OBSL1: variants seen among roughly 807,000 people sequenced by gnomAD.
OBSL1 encodes the protein obscurin-like protein 1.
A neutral mutation model predicts 172.0 loss-of-function variants in OBSL1; 160 were observed. The ratio of observed to expected loss-of-function variants is 0.93; its 90% CI spans 0.82 to 1.06. The LOEUF (loss-of-function observed/expected upper bound fraction) is 1.06. Among genes scored for constraint, OBSL1 ranks in the 50% least tolerant of loss-of-function variants. The probability of loss-of-function intolerance (pLI) is 0.00; values close to 1 mark genes in which losing one functional copy is unlikely to be tolerated. For synonymous variants in OBSL1, 1,200 were observed against 1,196.3 expected, an observed-to-expected ratio of 1.00 and a Z score of -0.06; for missense variants, 2,681 against 2,715.4, an observed-to-expected ratio of 0.99 and a Z score of 0.28.
At chr2:219,549,446 A>T, downstream of OBSL1, 1 of 1,444,164 alleles carries the variant, frequency 6.9e-7, no homozygotes, top group Non-Finnish European at 9.3e-7. Context: ...GCTGGTTGCT[A>T]TCTAGAAGGC....
intron 17 of OBSL1, 68 bp from the exon 18 acceptor site, chr2:219,552,765 C>T: frequency 6.6e-7 from 1 of 1,514,452 alleles, no homozygotes; most frequent in Non-Finnish European, 8.9e-7. Context: ...CCCCTCCACG[C>T]CCCCTTTCTA....
At chr2:219,548,044 G>T, downstream of OBSL1, 1 of 1,581,316 alleles carries the variant, frequency 6.3e-7, no homozygotes, top group East Asian at 2.3e-5. Context: ...TTCTGGTGCA[G>T]TGGAGGGTGA....
rs778230773 is a variant in OBSL1 at position 219,570,401 on chromosome 2, C to A, written c.832G>T (p.Glu278Ter). ...YVMGKPEPEIEWHWEGRPLLP... is the reference protein window; with the variant it reads ...YVMGKPEPEI ...AGCGGGCGGCCCTCCCAGTGCCATT[C>A]GATCTCGGGCTCGGGCTTGCCCATC... Residue 278 changes from glutamate to a stop codon, truncating the protein, a stop_gained, in exon 1 of 21, where the codon GAA becomes TAA. Transcript: ENST00000404537. LOFTEE classifies it high-confidence loss of function. 6.2e-7 allele frequency: 1 copy of A among 1,613,288 alleles called. No homozygotes were observed. The highest frequency in any genetic ancestry group is 8.5e-7 in the Non-Finnish European group (1 of 1,179,628).
chr2:219,563,368 A>G lies in OBSL1; in HGVS notation c.2667T>C (p.Thr889=). ...CTGGCCCCCCACCTGTGATGGTGAC[A>G]GTGAAGTAGGCACACTCATCTCCAG... ...CVAGDECAYF[T]VTITDVSSWI... is the part of the protein sequence containing the mutation. Residue 889 remains threonine, a synonymous_variant, in exon 7 of 21, where the codon ACT becomes ACC. Coordinates refer to ENST00000404537, the MANE Select transcript of OBSL1 (RefSeq NM_015311.3). 3.8e-6 allele frequency: 6 copies of G among 1,576,864 alleles called. No homozygotes were observed. The highest frequency in any genetic ancestry group is 4.3e-6 in the Non-Finnish European group (5 of 1,157,390).
At position 219,551,732 on chromosome 2, in the gene OBSL1, AC is replaced by A; in HGVS notation, c.5479del (p.Val1827CysfsTer4). 1 of 1,603,122 alleles carries A rather than the reference AC, an allele frequency of 6.2e-7. No individual in the cohort carries two copies. The highest frequency in any genetic ancestry group is 2.2e-5 in the East Asian group (1 of 44,650). On this transcript the variant is annotated frameshift_variant, in exon 20 of 21. Coordinates refer to ENST00000404537, the MANE Select transcript of OBSL1 (RefSeq NM_015311.3). LOFTEE classifies it high-confidence loss of function. Reference protein sequence around the residue: ...EKTVLVGRRAVLEVTVSRSGG... With the variant: ...EKTVLVGRRAXLEVTVSRSGG... ...CGAGCGGGACACAGTCACCTCCAGC[AC>A]CGCCCGGCGGCCCACCAGAACGGTC...
intron 12 of OBSL1, 142 bp from the exon 13 acceptor site, chr2:219,556,865 G>T: frequency 1.1e-6 from 1 of 905,676 alleles, no homozygotes; most frequent in Non-Finnish European, 1.6e-6. Flanking sequence ...CCACACCGAT[G>T]GCCCAAAGGA....
intron 7 of OBSL1, 148 bp from the exon 8 acceptor site, chr2:219,562,822 T>C (rs914947591): frequency 2.1e-5 from 17 of 812,518 alleles, no homozygotes; most frequent in Non-Finnish European, 3.2e-5. Context: ...TGACAGTTAC[T>C]CACAGCTAGA....
chr2:219,551,365 A>G, intron 20 of OBSL1, 164 bp downstream of exon 20: 2 of 1,394,430 alleles, frequency 1.4e-6, no homozygotes, highest in Admixed American at 5.7e-5. Context: ...AGGGCTTTCC[A>G]GCCCTGGGTG....
At position 219,557,607 on chromosome 2, in the gene OBSL1, G is replaced by A. The variant is rs769521329; in HGVS notation, c.3802C>T (p.Arg1268Trp). 17 of 1,539,726 alleles carry A rather than the reference G, an allele frequency of 1.1e-5. No homozygotes were observed. Among genetic ancestry groups the A allele is most frequent in the Admixed American group, 4.0e-5 (2 of 50,306 alleles). Residue 1268 changes from arginine to tryptophan, a missense_variant, in exon 12 of 21, where the codon CGG (arginine) becomes TGG (tryptophan). Physicochemically the swap from Arg to Trp is moderately radical, Grantham distance 101. Around this residue, in one of 5 missense-constraint regions of OBSL1, gnomAD observed 1,765 missense variants for 1,748.3 expected, o/e 1.01. Coordinates refer to ENST00000404537, the MANE Select transcript of OBSL1 (RefSeq NM_015311.3). ...TGGGCTGCCTCGGGAGCTACCACCC[G>A]CACAGGGGGCTCTGTGGAGTCAGAG... is the stretch of plus-strand genomic sequence containing the variant. ...FTVQVAEPPVRVVAPEAAQTR... is the reference protein window; with the variant it reads ...FTVQVAEPPVWVVAPEAAQTR...
At chr2:219,547,574 C>T (rs1695416359), downstream of OBSL1, 4 of 1,467,942 alleles carry the variant, frequency 2.7e-6, no homozygotes, top group East Asian at 2.4e-5. Flanking sequence ...CATCTTCCTC[C>T]TCTGCTACCG....
At chr2:219,563,315 C>T (rs1696634574) in intron 7 of OBSL1, 40 bp downstream of exon 7, 1 of 1,512,882 alleles carries the variant, frequency 6.6e-7, no homozygotes, top group Non-Finnish European at 8.9e-7. Context: ...GGAGCAGGGG[C>T]ACCTTCCCCT....
In OBSL1 at chr2:219,569,551, T is replaced by C. The variant is rs535440799; in HGVS notation, c.1012+670A>G. On this transcript the variant is annotated intron_variant, in intron 1 of 20. Transcript: ENST00000404537. ...ATTCAACTTTGAAATATAAACCTTCTCTCCTTCACCTTCCTCTTCTTGCAA... is the reference window on the plus strand; with the variant it reads ...ATTCAACTTTGAAATATAAACCTTCCCTCCTTCACCTTCCTCTTCTTGCAA... The C allele has an allele frequency of 2.0e-5, 3 of 153,132 alleles. No individual in the cohort carries two copies. The East Asian group carries it at 5.6e-4, about 29-fold the overall frequency. 9.5% of individuals were successfully genotyped at this position (153,132 alleles called of 1,614,324 possible).
intron 20 of OBSL1, 73 bp downstream of exon 20, chr2:219,551,456 C>T: frequency 6.8e-7 from 1 of 1,480,536 alleles, no homozygotes; most frequent in South Asian, 1.3e-5. Flanking sequence ...GAAAGCCTCC[C>T]ATAGGTGTGG....
At position 219,557,818 on chromosome 2, in the gene OBSL1, C is replaced by A. The variant is rs764649396; in HGVS notation, c.3790+5G>T. On this transcript the variant is annotated splice_donor_5th_base_variant and intron_variant, in intron 11 of 20. Transcript: ENST00000404537. ...TCTCAGGCTTAATGCCCAGGCTGTA[C>A]TCACCAGCCACCTGGACGGTGAAGC... 6 of 1,595,430 alleles carry A rather than the reference C, an allele frequency of 3.8e-6. No individual in the cohort carries two copies. The highest frequency in any genetic ancestry group is 4.2e-6 in the Non-Finnish European group (5 of 1,178,576).
rs1200218256 is a variant in OBSL1 at position 219,570,407 on chromosome 2, CGG to C, written c.824_825del (p.Pro275ArgfsTer79). ...FRCYVMGKPE[P>X]EIEWHWEGRP... ...CGGCCCTCCCAGTGCCATTCGATCTCGGGCTCGGGCTTGCCCATCACGTAGCA... is the reference window on the plus strand; with the variant it reads ...CGGCCCTCCCAGTGCCATTCGATCTCGCTCGGGCTTGCCCATCACGTAGCA... On this transcript the variant is annotated frameshift_variant, in exon 1 of 21. Coordinates refer to ENST00000404537, the MANE Select transcript of OBSL1 (RefSeq NM_015311.3). LOFTEE classifies it high-confidence loss of function. 1 of 1,613,266 alleles carries C rather than the reference CGG, an allele frequency of 6.2e-7. No homozygotes were observed. Among genetic ancestry groups the C allele is most frequent in the South Asian group, 1.1e-5 (1 of 91,076 alleles).
rs1237567208 is a variant in OBSL1 at position 219,567,384 on chromosome 2, C to T, written c.1726G>A (p.Glu576Lys). 8 of 1,613,072 alleles carry T rather than the reference C, an allele frequency of 5.0e-6. No homozygotes were observed. The South Asian group carries it at 8.8e-5, about 18-fold the overall frequency. ...GAGGGCACACAGTCGCCCGGCACCTCCACGGCTCCGGCTTTCTCGATGCTG... is the reference window on the plus strand; with the variant it reads ...GAGGGCACACAGTCGCCCGGCACCTTCACGGCTCCGGCTTTCTCGATGCTG... ...CFSIEKAGAV[E>K]VPGDCVPSEG... is the part of the protein sequence containing the mutation. The change falls in exon 4 of 21, where the codon GAG (glutamate) becomes AAG (lysine). Residue 576 changes from glutamate (E) to lysine (K), a missense_variant. By Grantham distance (56) the Glu-to-Lys change is moderately conservative. This residue lies in a region of OBSL1 where 706 missense variants were observed against 695.8 expected (regional missense o/e 1.01). Coordinates refer to ENST00000404537, the MANE Select transcript of OBSL1 (RefSeq NM_015311.3).
chr2:219,565,576 G>A, intron 5 of OBSL1, 62 bp from the exon 6 acceptor site: 1 of 1,517,972 alleles, frequency 6.6e-7, no homozygotes, highest in Non-Finnish European at 9.0e-7. Flanking sequence ...AGTGTCGGAT[G>A]CATCAGAGGG....
rs909066304 is a variant in OBSL1, at chr2:219,552,946, A to G, written c.5068T>C (p.Cys1690Arg). Reference sequence around the variant, plus strand: ...TAGGTCCCGGCGTCCGAGGGGCCGCAGCGTCGCAGCTGGAGAAGGCGGCGC... The same window carrying G: ...TAGGTCCCGGCGTCCGAGGGGCCGCGGCGTCGCAGCTGGAGAAGGCGGCGC... ...GTRRLLQLRRCGPSDAGTYSC... is the reference protein window; with the variant it reads ...GTRRLLQLRRRGPSDAGTYSC... The change falls in exon 17 of 21, where the codon TGC becomes CGC. Residue 1690 changes from cysteine (C) to arginine (R), a missense_variant. This residue lies in a region of OBSL1 where 1,765 missense variants were observed against 1,748.3 expected (regional missense o/e 1.01). Transcript: ENST00000404537. 6 of 1,534,988 alleles carry G rather than the reference A, an allele frequency of 3.9e-6. No individual in the cohort carries two copies. The highest frequency in any genetic ancestry group is 1.4e-5 in the African/African-American group (1 of 71,866).
chr2:219,550,107 T>C, downstream of OBSL1: 1 of 476,572 alleles, frequency 2.1e-6, no homozygotes, highest in Admixed American at 3.5e-5. Flanking sequence ...TGTGAGTGTG[T>C]TGCCCGTGTG....
Sources: gnomAD v4.1 joint callset for allele counts on GRCh38, gnomAD v4.1.1 for gene constraint, gnomAD v4.1.1 regional missense constraint, MANE v1.5 for transcripts, NCBI Gene and HGNC (gene_info 2026-07-23, HGNC 2026-07-21) for gene names.